Variants in MARCHF1 observed in about 807,000 individuals in gnomAD.
MARCHF1 encodes the protein E3 ubiquitin-protein ligase MARCHF1.
In MARCHF1, 40 loss-of-function variants were observed where a neutral mutation model predicts 54.2. The observed-to-expected ratio is 0.74, with a 90% CI of 0.57 to 0.96. The LOEUF is 0.96. Among genes scored for constraint, MARCHF1 ranks in the 40% least tolerant of loss-of-function variants. The pLI is 0.00. For missense variants in MARCHF1, 586 were observed against 656.5 expected (o/e 0.89, Z 1.17); for synonymous variants, 236 against 236.3 (o/e 1.00, Z 0.01).
chr4:163,851,599 CT>C (rs1353941183), intron 4 of MARCHF1, among the ~76,000 whole-genome samples: 1 of 152,034 alleles, frequency 6.6e-6, no homozygotes, highest in African/African-American at 2.4e-5. Context: ...GAGTAATAAT[CT>C]CTTTTCTGGA....
intron 1 of MARCHF1, among the ~76,000 whole-genome samples, chr4:164,368,468 C>G (rs116284442): frequency 0.013 from 1,957 of 152,112 alleles, 37 homozygotes; most frequent in African/African-American, 0.045. Flanking sequence ...AAAAAGGTAT[C>G]TCCAATCATA....
chr4:163,912,106 T>A (rs1279842728), intron 3 of MARCHF1, among the ~76,000 whole-genome samples: 1 of 151,172 alleles, frequency 6.6e-6, no homozygotes, highest in African/African-American at 2.4e-5. Flanking sequence ...AGACATCACA[T>A]CTGCAATCCA....
chr4:164,136,239 C>A (rs1756399355), intron 1 of MARCHF1, among the ~76,000 whole-genome samples: 1 of 138,548 alleles, frequency 7.2e-6, no homozygotes, highest in African/African-American at 2.7e-5. Context: ...GTCTAGGAGT[C>A]CAATCAGTAA....
intron 1 of MARCHF1, among the ~76,000 whole-genome samples, chr4:164,270,059 T>C (rs561782356): frequency 5.9e-5 from 9 of 152,132 alleles, no homozygotes; most frequent in Non-Finnish European, 1.2e-4. Flanking sequence ...ATAGTAAAAG[T>C]GAAATCTTTA....
intron 2 of MARCHF1, among the ~76,000 whole-genome samples, chr4:164,022,990 G>A (rs1006785103): frequency 1.3e-5 from 2 of 152,204 alleles, no homozygotes; most frequent in Non-Finnish European, 2.9e-5. Context: ...GGGTCCAGAG[G>A]ACAGAGGTGT....
intron 4 of MARCHF1, among the ~76,000 whole-genome samples, chr4:163,733,258 T>TATACACATGTATATATATACACACAC (rs1554008879): frequency 3.6e-4 from 16 of 45,066 alleles, no homozygotes; most frequent in African/African-American, 1.0e-3. Flanking sequence ...TATATATATA[T>TATACACATGTATATATATACACACAC]ACACACACAC....
intron 1 of MARCHF1, among the ~76,000 whole-genome samples, chr4:164,251,416 T>A (rs772091693): frequency 3.9e-5 from 6 of 152,162 alleles, no homozygotes; most frequent in Admixed American, 6.6e-5. Context: ...TGAAATATAA[T>A]GTTTGCCATG....
intron 1 of MARCHF1, among the ~76,000 whole-genome samples, chr4:164,235,767 A>G (rs1363761345): frequency 1.3e-5 from 2 of 152,082 alleles, no homozygotes; most frequent in East Asian, 3.9e-4. Flanking sequence ...GGGGATAAAA[A>G]AAACCAGTAC....
chr4:164,119,377 AAAT>A (rs1756014571), intron 1 of MARCHF1, among the ~76,000 whole-genome samples: 1 of 151,556 alleles, frequency 6.6e-6, no homozygotes, highest in Admixed American at 6.6e-5. Flanking sequence ...AAAGAAATAC[AAAT>A]AATAAATACA....
intron 8 of MARCHF1, among the ~76,000 whole-genome samples, chr4:163,550,909 A>G (rs1183736069): frequency 1.3e-5 from 2 of 152,154 alleles, no homozygotes; most frequent in African/African-American, 4.8e-5. Flanking sequence ...ACGGAATCAG[A>G]AACTCTGGCG....
At chr4:163,919,474 A>G (rs1751377718) in intron 3 of MARCHF1, among the ~76,000 whole-genome samples, 1 of 151,948 alleles carries the variant, frequency 6.6e-6, no homozygotes, top group Admixed American at 6.6e-5. Context: ...TAAGAATTAC[A>G]ATGTCCTGCA....
At chr4:164,075,572 G>A (rs1754959573) in intron 2 of MARCHF1, among the ~76,000 whole-genome samples, 1 of 152,138 alleles carries the variant, frequency 6.6e-6, no homozygotes, top group South Asian at 2.1e-4. Flanking sequence ...GCTTAATGTT[G>A]TACGTCATTA....
intron 4 of MARCHF1, among the ~76,000 whole-genome samples, chr4:163,719,824 G>A (rs1579224376): frequency 2.0e-5 from 3 of 152,294 alleles, no homozygotes; most frequent in South Asian, 2.1e-4. Flanking sequence ...CTACATAAAT[G>A]TCTTCTTTTG....
intron 1 of MARCHF1, among the ~76,000 whole-genome samples, chr4:164,233,015 C>T (rs971672450): frequency 2.0e-5 from 3 of 152,134 alleles, no homozygotes; most frequent in African/African-American, 7.2e-5. Flanking sequence ...CCCCTGGACA[C>T]CCATCTGCAG....
At chr4:164,289,063 C>G (rs1734220281) in intron 1 of MARCHF1, among the ~76,000 whole-genome samples, 1 of 151,972 alleles carries the variant, frequency 6.6e-6, no homozygotes, top group Admixed American at 6.6e-5. Context: ...CTGGTATTTG[C>G]TACACTCATT....
chr4:164,224,865 G>A (rs548213891), intron 1 of MARCHF1, among the ~76,000 whole-genome samples: 8 of 152,070 alleles, frequency 5.3e-5, no homozygotes, highest in South Asian at 2.1e-4. Context: ...AGAGAAACAC[G>A]CTTTGATGCT....
intron 1 of MARCHF1, among the ~76,000 whole-genome samples, chr4:164,161,930 C>T (rs996982376): frequency 2.0e-5 from 3 of 152,110 alleles, no homozygotes; most frequent in Non-Finnish European, 2.9e-5. Flanking sequence ...AAAACCCAAT[C>T]ATTTGGAGAA....
intron 8 of MARCHF1, among the ~76,000 whole-genome samples, chr4:163,582,642 G>A (rs1405198292): frequency 2.0e-5 from 3 of 152,106 alleles, no homozygotes; most frequent in Non-Finnish European, 4.4e-5. Flanking sequence ...GTTTCATGTG[G>A]GTTGTTCTTT....
intron 3 of MARCHF1, among the ~76,000 whole-genome samples, chr4:163,886,539 T>A (rs1750543376): frequency 6.6e-6 from 1 of 151,910 alleles, no homozygotes; most frequent in Non-Finnish European, 1.5e-5. Flanking sequence ...AATCCTAGGA[T>A]TAGATAAGTG....
Sources: allele counts gnomAD v4.1 joint callset (sites outside exome capture counted in the v4.1 genomes callset), GRCh38; gene constraint gnomAD v4.1.1; transcripts MANE v1.5; gene names NCBI Gene and HGNC (gene_info 2026-07-23, HGNC 2026-07-21).